Variants in EPHA6 observed in about 807,000 individuals in gnomAD.
EPHA6 encodes ephrin type-A receptor 6.
In EPHA6, 50 loss-of-function variants were observed where a neutral mutation model predicts 112.0. That is an observed-to-expected ratio of 0.45 (90% CI 0.36 to 0.56). The LOEUF (loss-of-function observed/expected upper bound fraction) is 0.56. Ranked by LOEUF, EPHA6 falls within the 20% of genes least tolerant of loss-of-function variation. The pLI, the probability that EPHA6 is intolerant of heterozygous loss-of-function variation, is 0.00. For synonymous variants in EPHA6, 529 were observed against 490.7 expected, an observed-to-expected ratio of 1.08 and a Z score of -1.03; for missense variants, 1,280 against 1,417.4, an observed-to-expected ratio of 0.90 and a Z score of 1.56.
rs2035823026 is a variant in EPHA6 at position 97,748,898 on chromosome 3, C to G, written c.*197C>G. ...GCTACATAAATCCGTTCTGAATAAC[C>G]TGCAACTAAAACCCTGGCCCACTGC... On this transcript the variant is annotated 3_prime_UTR_variant, in exon 18 of 18. Coordinates refer to ENST00000389672, the MANE Select transcript of EPHA6 (RefSeq NM_001080448.3). 2 of 546,496 alleles carry G rather than the reference C, an allele frequency of 3.7e-6. No individual in the cohort carries two copies. Among genetic ancestry groups the G allele is most frequent in the Admixed American group, 6.0e-5 (2 of 33,452 alleles). 33.9% of individuals were successfully genotyped at this position (546,496 alleles called of 1,614,324 possible). A position where few individuals can be genotyped will look rare whatever the true frequency, so the allele number is the denominator to read the frequency against.
At chr3:97,051,744 T>C (rs900808143) in intron 3 of EPHA6, among the ~76,000 whole-genome samples, 3 of 152,118 alleles carry the variant, frequency 2.0e-5, no homozygotes, top group African/African-American at 7.2e-5. Context: ...CAGGAATTAG[T>C]TGGAAGGCTT....
At chr3:97,704,457 C>CT (rs2033571247) in intron 14 of EPHA6, among the ~76,000 whole-genome samples, 1 of 152,192 alleles carries the variant, frequency 6.6e-6, no homozygotes, top group African/African-American at 2.4e-5. Context: ...CCTTCAAACT[C>CT]TGACTGAATT....
chr3:97,432,157 C>G (rs930734192), intron 6 of EPHA6, among the ~76,000 whole-genome samples: 1 of 152,096 alleles, frequency 6.6e-6, no homozygotes, highest in African/African-American at 2.4e-5. Context: ...ATTTTGCTGA[C>G]TTATCCTACT....
At chr3:96,897,908 G>C (rs1252017561) in intron 2 of EPHA6, among the ~76,000 whole-genome samples, 1 of 152,172 alleles carries the variant, frequency 6.6e-6, no homozygotes, top group East Asian at 1.9e-4. Flanking sequence ...AGGGAATGAA[G>C]TAGTCCTCAT....
chr3:96,953,877 C>A (rs2041653653), intron 2 of EPHA6, among the ~76,000 whole-genome samples: 1 of 146,800 alleles, frequency 6.8e-6, no homozygotes, highest in South Asian at 2.1e-4. Flanking sequence ...ATTTCAATAA[C>A]TTTTTTTTTT....
intron 3 of EPHA6, among the ~76,000 whole-genome samples, chr3:97,022,837 A>G (rs900048632): frequency 2.0e-5 from 3 of 152,208 alleles, no homozygotes; most frequent in Non-Finnish European, 4.4e-5. Flanking sequence ...TTAAAATCCA[A>G]CAAAGACTGA....
At chr3:96,939,829 C>T (rs970483218) in intron 2 of EPHA6, among the ~76,000 whole-genome samples, 1 of 152,134 alleles carries the variant, frequency 6.6e-6, no homozygotes, top group African/African-American at 2.4e-5. Context: ...TTTCAAAGAA[C>T]ATCTTTATTT....
chr3:96,942,035 C>T (rs1439598044), intron 2 of EPHA6, among the ~76,000 whole-genome samples: 1 of 152,178 alleles, frequency 6.6e-6, no homozygotes, highest in African/African-American at 2.4e-5. Context: ...CTGGGGGGTG[C>T]CTCCCAGTCA....
chr3:97,725,605 TTGAAAAGACCAGTCGGGCTTTAGAACAA>T (rs1356299130), intron 15 of EPHA6, among the ~76,000 whole-genome samples: 2 of 152,148 alleles, frequency 1.3e-5, no homozygotes. Context: ...GCAGATGTTA[TTGAAAAGACCAGTCGGGCTTTAGAACAA>T]GATCTCTCAA....
intron 2 of EPHA6, among the ~76,000 whole-genome samples, chr3:96,945,167 C>T (rs2041187891): frequency 6.6e-6 from 1 of 151,976 alleles, no homozygotes; most frequent in African/African-American, 2.4e-5. Context: ...TGACTTTTAC[C>T]ACCAGTATTG....
At chr3:96,985,540 A>T (rs1168261572) in intron 2 of EPHA6, among the ~76,000 whole-genome samples, 1 of 152,150 alleles carries the variant, frequency 6.6e-6, no homozygotes, top group Non-Finnish European at 1.5e-5. Context: ...ATACATTAGG[A>T]TGAAAGGCAT....
intron 2 of EPHA6, among the ~76,000 whole-genome samples, chr3:96,887,942 T>C (rs1351363344): frequency 2.0e-5 from 3 of 151,982 alleles, no homozygotes; most frequent in Non-Finnish European, 4.4e-5. Flanking sequence ...ACTCCCACTG[T>C]GCCCCCACAA....
At chr3:97,105,548 G>A (rs933961606) in intron 3 of EPHA6, among the ~76,000 whole-genome samples, 1 of 152,088 alleles carries the variant, frequency 6.6e-6, no homozygotes, top group Non-Finnish European at 1.5e-5. Context: ...TTTTGCACTT[G>A]CTGAGGATTA....
chr3:97,260,458 A>G (rs1265644274), intron 5 of EPHA6, among the ~76,000 whole-genome samples: 1 of 152,256 alleles, frequency 6.6e-6, no homozygotes, highest in Non-Finnish European at 1.5e-5. Context: ...CCACAGAATT[A>G]TAGGCTAGGT....
At chr3:97,343,692 A>G (rs9848435) in intron 5 of EPHA6, among the ~76,000 whole-genome samples, 33,819 of 152,132 alleles carry the variant, frequency 0.22, 8,794 homozygotes, top group African/African-American at 0.62. Flanking sequence ...AAGTGAGACC[A>G]AATGAAGGAA....
intron 11 of EPHA6, among the ~76,000 whole-genome samples, chr3:97,544,974 C>T (rs1478638727): frequency 6.6e-6 from 1 of 152,160 alleles, no homozygotes; most frequent in Non-Finnish European, 1.5e-5. Context: ...ATTAGGCTTG[C>T]TAGTGGTCTA....
chr3:96,865,198 T>C (rs1352111253), intron 1 of EPHA6, among the ~76,000 whole-genome samples: 1 of 152,080 alleles, frequency 6.6e-6, no homozygotes, highest in African/African-American at 2.4e-5. Context: ...TTAACAATAC[T>C]AAAGGAATAT....
intron 14 of EPHA6, among the ~76,000 whole-genome samples, chr3:97,700,215 A>C (rs1280678052): frequency 1.3e-5 from 2 of 152,346 alleles, no homozygotes; most frequent in East Asian, 3.9e-4. Flanking sequence ...GTGCTTCAAA[A>C]CCACTCATGG....
intron 3 of EPHA6, among the ~76,000 whole-genome samples, chr3:97,085,344 AG>A (rs1310765527): frequency 2.0e-5 from 3 of 152,076 alleles, no homozygotes; most frequent in African/African-American, 7.2e-5. Flanking sequence ...TTGAGTGAAG[AG>A]GTTGAAGAAT....
Sources: gnomAD v4.1 joint callset for allele counts (sites outside exome capture counted in the v4.1 genomes callset) on GRCh38, gnomAD v4.1.1 for gene constraint, MANE v1.5 for transcripts, NCBI Gene and HGNC (gene_info 2026-07-23, HGNC 2026-07-21) for gene names.